The following APAF1 variants were observed in gnomAD, a reference collection of about 807,000 sequenced individuals.
APAF1 encodes the protein apoptotic peptidase activating factor 1, also known as apoptotic protease-activating factor 1.
A neutral mutation model predicts 152.4 loss-of-function variants in APAF1; 91 were observed. That is an observed-to-expected ratio of 0.60 (90% CI 0.50 to 0.71). The LOEUF (loss-of-function observed/expected upper bound fraction) is 0.71, where lower values mean the gene tolerates loss of function less well. Among genes scored for constraint, APAF1 ranks in the 30% least tolerant of loss-of-function variants. APAF1 has a pLI of 0.00. For missense variants in APAF1, 1,283 were observed against 1,472.0 expected (o/e 0.87, Z 2.10); for synonymous variants, 484 against 494.1 (o/e 0.98, Z 0.27).
intron 26 of APAF1, among the ~76,000 whole-genome samples, chr12:98,730,151 A>G (rs2097758424): frequency 6.6e-6 from 1 of 152,240 alleles, no homozygotes; most frequent in South Asian, 2.1e-4. Flanking sequence ...ACAAGGTTTC[A>G]TTGAAAACAC....
rs201029707 is a variant in APAF1 at position 98,732,492 on chromosome 12, G to T, written c.3673G>T (p.Val1225Leu). The T allele has an allele frequency of 1.9e-5, 31 of 1,599,360 alleles. No homozygotes were observed. Among genetic ancestry groups the T allele is most frequent in the Non-Finnish European group, 2.1e-5 (24 of 1,166,640 alleles). ...TGGAACCAATCTTAAGAAAATACAC[G>T]TGTCCCCTGACTTCAAAACATATGT... ...TNGTNLKKIH[V>L]SPDFKTYVTV... The change falls in exon 27 of 27, where the codon GTG becomes TTG. Residue 1225 changes from valine to leucine, a missense_variant. Physicochemically the swap from Val to Leu is conservative, Grantham distance 32 (BLOSUM62 1). Coordinates refer to ENST00000551964, the MANE Select transcript of APAF1 (RefSeq NM_181861.2).
chr12:98,646,535 C>T (rs1434993889), intron 1 of APAF1, among the ~76,000 whole-genome samples: 2 of 152,264 alleles, frequency 1.3e-5, no homozygotes, highest in East Asian at 1.9e-4. Flanking sequence ...TTTTGCACTT[C>T]GGGCATTCAC....
rs764594572 is a variant in APAF1, at chr12:98,667,608, T to C, written c.1458T>C (p.Phe486=). 4 of 1,613,930 alleles carry C rather than the reference T, an allele frequency of 2.5e-6. No individual in the cohort carries two copies. The highest frequency in any genetic ancestry group is 1.3e-5 in the African/African-American group (1 of 74,928). The change falls in exon 10 of 27, where the codon TTT becomes TTC. Residue 486 remains phenylalanine, a synonymous_variant. Transcript: ENST00000551964. ...AAGACTGTATGTATTGGTACAACTT[T>C]CTGGCCTATCACATGGCCAGTGCCA... is the stretch of plus-strand genomic sequence containing the variant. ...DQEDCMYWYN[F]LAYHMASAKM...
intron 12 of APAF1, among the ~76,000 whole-genome samples, chr12:98,675,498 G>A (rs2097685533): frequency 6.6e-6 from 1 of 152,140 alleles, no homozygotes; most frequent in Admixed American, 6.6e-5. Context: ...AACCAACCTG[G>A]ATTGAAAATA....
intron 4 of APAF1, among the ~76,000 whole-genome samples, chr12:98,655,757 C>T (rs1483422888): frequency 1.3e-5 from 2 of 151,494 alleles, no homozygotes; most frequent in East Asian, 1.9e-4. Context: ...GGGCCACAGG[C>T]GCACAGCACG....
chr12:98,699,572 A>C lies in APAF1; in HGVS notation c.2466+3A>C. 1 of 1,614,142 alleles carries C rather than the reference A, an allele frequency of 6.2e-7. No individual in the cohort carries two copies. Among genetic ancestry groups the C allele is most frequent in the Non-Finnish European group, 8.5e-7 (1 of 1,179,984 alleles). Reference sequence around the variant, plus strand: ...TGGCAGCAAAAAATAAAATCTTTGTAAGTACTTTAAAAAGCCAACTTCAGT... The same window carrying C: ...TGGCAGCAAAAAATAAAATCTTTGTCAGTACTTTAAAAAGCCAACTTCAGT... On this transcript the variant is annotated splice_donor_region_variant and intron_variant, in intron 17 of 26. Transcript: ENST00000551964.
rs193060273 is a variant in APAF1 at position 98,684,833 on chromosome 12, T to C, written c.2178+1559T>C. On this transcript the variant is annotated intron_variant, in intron 15 of 26. Transcript: ENST00000551964. ...GGAAATAAATACAGGAAAAAACCTC[T>C]GCCATGTGGGAGGGGGTTATTGGTT... Among the ~76,000 whole-genome samples the C allele has an allele frequency of 6.0e-4, 91 of 152,312 alleles. 1 individual carries two copies. Among genetic ancestry groups the C allele is most frequent in the African/African-American group, 1.7e-3 (71 of 41,578 alleles).
At chr12:98,660,920 A>T (rs1375949341) in intron 5 of APAF1, among the ~76,000 whole-genome samples, 1 of 152,180 alleles carries the variant, frequency 6.6e-6, no homozygotes, top group Non-Finnish European at 1.5e-5. Context: ...TTTTGGGAAA[A>T]GCCTACTAGG....
intron 5 of APAF1, among the ~76,000 whole-genome samples, chr12:98,662,037 T>G (rs1307775723): frequency 6.6e-6 from 1 of 152,114 alleles, no homozygotes; most frequent in Non-Finnish European, 1.5e-5. Context: ...TGGTCACATA[T>G]CATCATTATT....
At chr12:98,673,446 A>AAC (rs1555216403) in intron 12 of APAF1, among the ~76,000 whole-genome samples, 1 of 151,776 alleles carries the variant, frequency 6.6e-6, no homozygotes, top group African/African-American at 2.4e-5. Context: ...AAAAAACAAA[A>AAC]AAAAAAAAAA....
chr12:98,711,845 A>G (rs1341188144), intron 20 of APAF1, among the ~76,000 whole-genome samples: 1 of 151,146 alleles, frequency 6.6e-6, no homozygotes, highest in Non-Finnish European at 1.5e-5. Context: ...AAAGAATCTT[A>G]ATTTACACTG....
Position 98,732,679 on chromosome 12 carries a change from C to A in APAF1, c.*113C>A. On this transcript the variant is annotated 3_prime_UTR_variant, in exon 27 of 27. Transcript: ENST00000551964. ...AGCTCTTAATTGTTGTGCAGTATTGCATTCATTACAAAAGTGTTTGTGGTT... is the reference window on the plus strand; with the variant it reads ...AGCTCTTAATTGTTGTGCAGTATTGAATTCATTACAAAAGTGTTTGTGGTT... 1 of 710,944 alleles carries A rather than the reference C, an allele frequency of 1.4e-6. No individual in the cohort carries two copies. Among genetic ancestry groups the A allele is most frequent in the South Asian group, 1.8e-5 (1 of 54,198 alleles). The allele number at this position is 710,944 out of a possible 1,614,324, so 44.0% of individuals were successfully genotyped here. A position where few individuals can be genotyped will look rare whatever the true frequency, so the allele number is the denominator to read the frequency against.
chr12:98,694,608 C>T (rs568068477), intron 16 of APAF1, among the ~76,000 whole-genome samples: 3 of 151,970 alleles, frequency 2.0e-5, no homozygotes, highest in Admixed American at 1.3e-4. Flanking sequence ...AAATATTATT[C>T]TGTTCTTGTT....
At chr12:98,724,186 T>C (rs1192888429) in intron 24 of APAF1, among the ~76,000 whole-genome samples, 1 of 152,220 alleles carries the variant, frequency 6.6e-6, no homozygotes, top group East Asian at 1.9e-4. Flanking sequence ...TTTTTCTCCT[T>C]CTACCAGTCT....
chr12:98,717,560 G>T (rs2097736362), intron 22 of APAF1, among the ~76,000 whole-genome samples: 1 of 151,906 alleles, frequency 6.6e-6, no homozygotes, highest in African/African-American at 2.4e-5. Context: ...ATATTTAGTA[G>T]AGATGGGGTT....
intron 22 of APAF1, among the ~76,000 whole-genome samples, chr12:98,722,578 G>T (rs1371256750): frequency 6.6e-6 from 1 of 152,102 alleles, no homozygotes; most frequent in African/African-American, 2.4e-5. Flanking sequence ...TGCATATTTT[G>T]TGCTAGTTAC....
intron 9 of APAF1, among the ~76,000 whole-genome samples, chr12:98,666,579 GC>G (rs2097673033): frequency 6.6e-6 from 1 of 152,012 alleles, no homozygotes; most frequent in Non-Finnish European, 1.5e-5. Context: ...TGTAGTCCAG[GC>G]CAATTTAGGA....
intron 4 of APAF1, among the ~76,000 whole-genome samples, 195 bp downstream of exon 4, chr12:98,649,879 A>G (rs1170874686): frequency 6.6e-6 from 1 of 151,208 alleles, no homozygotes; most frequent in East Asian, 1.9e-4. Flanking sequence ...ACATCTTAGC[A>G]GGAGTTTGGA....
At chr12:98,678,514 C>T (rs560410121) in intron 13 of APAF1, among the ~76,000 whole-genome samples, 21 of 152,352 alleles carry the variant, frequency 1.4e-4, no homozygotes, top group Admixed American at 1.2e-3. Flanking sequence ...GAGCCCTGCC[C>T]TCCTGGGTGT....
Sources: gnomAD v4.1 joint callset for allele counts (sites outside exome capture counted in the v4.1 genomes callset) on GRCh38, gnomAD v4.1.1 for gene constraint, MANE v1.5 for transcripts, NCBI Gene and HGNC (gene_info 2026-07-23, HGNC 2026-07-21) for gene names.